HEMK2: variants seen among roughly 807,000 people sequenced by gnomAD.
The protein encoded by HEMK2 is methyltransferase HEMK2.
chr21:28,605,725 T>G, the HEMK2 span, among the ~76,000 whole-genome samples: 1 of 152,234 alleles, frequency 6.6e-6, no homozygotes, highest in Non-Finnish European at 1.5e-5. Context: ...TTAATCCATG[T>G]ATCGTGTGTT....
chr21:28,664,940 T>C, the HEMK2 span, among the ~76,000 whole-genome samples: 17 of 152,242 alleles, frequency 1.1e-4, no homozygotes, highest in African/African-American at 4.1e-4. Flanking sequence ...GCTTTTCAAT[T>C]CAACATACAA....
the HEMK2 span, among the ~76,000 whole-genome samples, chr21:28,822,573 A>ATATG: frequency 1.0e-5 from 1 of 96,770 alleles, no homozygotes; most frequent in African/African-American, 5.0e-5. Flanking sequence ...GCTACAATGC[A>ATATG]TATATATATA....
the HEMK2 span, among the ~76,000 whole-genome samples, chr21:28,645,238 C>T: frequency 0.091 from 13,925 of 152,214 alleles, 895 homozygotes; most frequent in East Asian, 0.3. Flanking sequence ...CCAGGAAATT[C>T]ATTTAGGGAG....
At chr21:28,607,535 G>C in the HEMK2 span, among the ~76,000 whole-genome samples, 1 of 152,294 alleles carries the variant, frequency 6.6e-6, no homozygotes, top group East Asian at 1.9e-4. Context: ...CCAAGATTAG[G>C]TTATGTTCAC....
chr21:28,597,575 A>G, the HEMK2 span, among the ~76,000 whole-genome samples: 2 of 152,238 alleles, frequency 1.3e-5, no homozygotes, highest in Non-Finnish European at 2.9e-5. Context: ...TATGGAATAC[A>G]TCATTAACTA....
the HEMK2 span, among the ~76,000 whole-genome samples, chr21:28,843,759 T>C: frequency 6.6e-6 from 1 of 152,178 alleles, no homozygotes; most frequent in Non-Finnish European, 1.5e-5. Flanking sequence ...GATATTACTA[T>C]TCATGGTTGG....
chr21:28,674,318 T>C, the HEMK2 span, among the ~76,000 whole-genome samples: 1 of 152,232 alleles, frequency 6.6e-6, no homozygotes, highest in African/African-American at 2.4e-5. Flanking sequence ...GACTGCTCTA[T>C]GGAGTAGCCA....
At chr21:28,792,877 CA>C in the HEMK2 span, among the ~76,000 whole-genome samples, 3 of 152,144 alleles carry the variant, frequency 2.0e-5, no homozygotes, top group Non-Finnish European at 4.4e-5. Flanking sequence ...CCAGGTAAAT[CA>C]GGGGCACCTA....
At chr21:28,731,764 A>T in the HEMK2 span, among the ~76,000 whole-genome samples, 1 of 148,388 alleles carries the variant, frequency 6.7e-6, no homozygotes, top group South Asian at 2.1e-4. Context: ...AATAATAAAA[A>T]AAAAAAAAAG....
At chr21:28,650,834 G>A in the HEMK2 span, among the ~76,000 whole-genome samples, 813 of 152,274 alleles carry the variant, frequency 5.3e-3, 6 homozygotes, top group Middle Eastern at 0.017. Context: ...AGGGGCTTGA[G>A]GAAACAGACA....
chr21:28,676,159 G>C, the HEMK2 span, among the ~76,000 whole-genome samples: 1 of 152,136 alleles, frequency 6.6e-6, no homozygotes, highest in Non-Finnish European at 1.5e-5. Flanking sequence ...CCACAGACTG[G>C]GTGGCTTCAA....
chr21:28,766,317 T>TAAA, the HEMK2 span, among the ~76,000 whole-genome samples: 80 of 149,454 alleles, frequency 5.4e-4, no homozygotes, highest in African/African-American at 1.6e-3. Flanking sequence ...TTTTTTTTTT[T>TAAA]AAAAAAGAAT....
chr21:28,675,567 G>C, the HEMK2 span, among the ~76,000 whole-genome samples: 132 of 152,310 alleles, frequency 8.7e-4, no homozygotes, highest in South Asian at 3.7e-3. Flanking sequence ...TTTTAACCTT[G>C]CTCAGGGCAT....
At chr21:28,580,850 A>G in the HEMK2 span, among the ~76,000 whole-genome samples, 1 of 152,270 alleles carries the variant, frequency 6.6e-6, no homozygotes, top group East Asian at 1.9e-4. Flanking sequence ...CTTCCCAACT[A>G]GAAAGTAAAG....
chr21:28,797,075 C>T, the HEMK2 span, among the ~76,000 whole-genome samples: 4 of 152,078 alleles, frequency 2.6e-5, no homozygotes, highest in East Asian at 7.7e-4. Flanking sequence ...GGTCTTTCTC[C>T]CAATAGAGAT....
At chr21:28,834,002 A>G in the HEMK2 span, among the ~76,000 whole-genome samples, 1 of 152,190 alleles carries the variant, frequency 6.6e-6, no homozygotes, top group African/African-American at 2.4e-5. Flanking sequence ...TTTTTCTCAC[A>G]TGGGTTCTTG....
chr21:28,809,824 T>A, the HEMK2 span, among the ~76,000 whole-genome samples: 2 of 152,196 alleles, frequency 1.3e-5, no homozygotes, highest in African/African-American at 4.8e-5. Context: ...GACAGTTGTA[T>A]CTATCTTGAT....
At chr21:28,784,161 G>A in the HEMK2 span, among the ~76,000 whole-genome samples, 2 of 152,240 alleles carry the variant, frequency 1.3e-5, 1 homozygote, top group South Asian at 4.1e-4. Flanking sequence ...CGCGGGACTG[G>A]CAGGCAGCTC....
the HEMK2 span, among the ~76,000 whole-genome samples, chr21:28,797,363 A>C: frequency 1.3e-5 from 2 of 152,016 alleles, no homozygotes; most frequent in African/African-American, 4.8e-5. Flanking sequence ...TGGGAGGCTA[A>C]GGTGGACGGA....
Sources: gnomAD v4.1 joint callset for allele counts (sites outside exome capture counted in the v4.1 genomes callset) on GRCh38, gnomAD v4.1.1 for gene constraint, MANE v1.5 for transcripts, NCBI Gene and HGNC (gene_info 2026-07-23, HGNC 2026-07-21) for gene names.